DNM3: variants seen among roughly 807,000 people sequenced by gnomAD.
The protein encoded by DNM3 is dynamin 3.
Under a neutral mutation model 101.6 loss-of-function variants are expected in DNM3, and 47 were observed. The observed-to-expected ratio is 0.46, with a 90% CI of 0.37 to 0.59. DNM3 has a LOEUF of 0.59. DNM3 is among the 20% of genes least tolerant of loss of function. The probability of loss-of-function intolerance (pLI) is 0.00; values close to 1 mark genes in which losing one functional copy is unlikely to be tolerated. For missense variants in DNM3, 849 were observed against 1,085.7 expected (o/e 0.78, Z 3.06); for synonymous variants, 385 against 387.9 (o/e 0.99, Z 0.09).
chr1:171,978,319 A>G (rs1407181325), intron 2 of DNM3, among the ~76,000 whole-genome samples: 3 of 152,170 alleles, frequency 2.0e-5, no homozygotes, highest in African/African-American at 7.2e-5. Flanking sequence ...AAACCTCTCT[A>G]AAGAGATGAT....
At chr1:172,406,067 T>G (rs892132871) in intron 20 of DNM3, among the ~76,000 whole-genome samples, 1 of 151,936 alleles carries the variant, frequency 6.6e-6, no homozygotes, top group African/African-American at 2.4e-5. Flanking sequence ...CACAGTTACA[T>G]GAAGATGATT....
At chr1:172,360,186 G>A (rs190236672) in intron 17 of DNM3, among the ~76,000 whole-genome samples, 8 of 151,974 alleles carry the variant, frequency 5.3e-5, no homozygotes, top group Admixed American at 1.3e-4. Context: ...AACTCATTTA[G>A]CTATCTTTAT....
chr1:172,225,877 AC>A (rs1289694868), intron 14 of DNM3, among the ~76,000 whole-genome samples: 1 of 151,700 alleles, frequency 6.6e-6, no homozygotes, highest in Non-Finnish European at 1.5e-5. Flanking sequence ...TATATTATAT[AC>A]ATAAATAGAA....
chr1:171,956,575 A>G (rs1199846993), intron 2 of DNM3, among the ~76,000 whole-genome samples: 1 of 151,922 alleles, frequency 6.6e-6, no homozygotes, highest in Non-Finnish European at 1.5e-5. Context: ...TTCCAGGTGC[A>G]TAGTGCAGGC....
intron 17 of DNM3, among the ~76,000 whole-genome samples, chr1:172,347,345 G>A (rs928420798): frequency 9.2e-5 from 14 of 152,082 alleles, no homozygotes; most frequent in Non-Finnish European, 4.4e-5. Context: ...ACTGAGAATA[G>A]GAGAAACAAC....
intron 1 of DNM3, among the ~76,000 whole-genome samples, chr1:171,892,111 C>T (rs972141149): frequency 3.3e-5 from 5 of 152,024 alleles, no homozygotes; most frequent in Admixed American, 1.3e-4. Flanking sequence ...AAACTGTTCC[C>T]GTGGGAGCTC....
chr1:172,346,798 C>T (rs570226372), intron 17 of DNM3, among the ~76,000 whole-genome samples: 1 of 152,272 alleles, frequency 6.6e-6, no homozygotes, highest in African/African-American at 2.4e-5. Context: ...GAGGATTTCA[C>T]CCAAATTTTT....
chr1:172,254,289 A>G (rs1374352712), intron 15 of DNM3, among the ~76,000 whole-genome samples: 1 of 152,188 alleles, frequency 6.6e-6, no homozygotes, highest in African/African-American at 2.4e-5. Context: ...TATTGTTTAC[A>G]TACTTACAAA....
At chr1:171,896,355 A>G (rs2037797424) in intron 1 of DNM3, among the ~76,000 whole-genome samples, 1 of 152,192 alleles carries the variant, frequency 6.6e-6, no homozygotes, top group Non-Finnish European at 1.5e-5. Context: ...GGTCCTTCAC[A>G]TTCCTTGTAA....
chr1:172,145,658 G>A (rs1168582915), intron 14 of DNM3, among the ~76,000 whole-genome samples: 1 of 151,852 alleles, frequency 6.6e-6, no homozygotes, highest in Admixed American at 6.6e-5. Flanking sequence ...CTAAAGAAAC[G>A]TTACAGTTTT....
chr1:171,930,959 TA>T (rs2040959001), intron 2 of DNM3, among the ~76,000 whole-genome samples: 1 of 152,080 alleles, frequency 6.6e-6, no homozygotes. Context: ...GTATATCGCT[TA>T]GGGGGAGGTG....
intron 16 of DNM3, among the ~76,000 whole-genome samples, chr1:172,315,401 G>A (rs2065287428): frequency 6.6e-6 from 1 of 152,244 alleles, no homozygotes; most frequent in Admixed American, 6.5e-5. Flanking sequence ...TTACTTTGAC[G>A]AGTTGAGAGA....
Position 172,105,133 on chromosome 1 carries a change from C to G in DNM3, c.1545+12258C>G, listed in dbSNP as rs553815221. 8.5e-5 allele frequency among the ~76,000 whole-genome samples: 13 copies of G among 152,224 alleles called. No individual in the cohort carries two copies. The South Asian group carries it at 2.7e-3, about 32-fold the overall frequency. On this transcript the variant is annotated intron_variant, in intron 13 of 20. Coordinates refer to ENST00000627582, the MANE Select transcript of DNM3 (RefSeq NM_015569.5). ...TACAAATATAATCATATGAACAGTCCATACTATCACCATTGATTTGCAATA... is the reference window on the plus strand; with the variant it reads ...TACAAATATAATCATATGAACAGTCGATACTATCACCATTGATTTGCAATA...
chr1:172,283,587 C>T (rs999424379), intron 15 of DNM3, among the ~76,000 whole-genome samples: 9 of 151,586 alleles, frequency 5.9e-5, no homozygotes, highest in Non-Finnish European at 1.3e-4. Context: ...TGCTGAAACG[C>T]CGTCTCTACT....
At chr1:172,221,762 TTCTC>T (rs2060914376) in intron 14 of DNM3, among the ~76,000 whole-genome samples, 2 of 152,158 alleles carry the variant, frequency 1.3e-5, no homozygotes, top group South Asian at 4.1e-4. Flanking sequence ...CTATCTCTCT[TTCTC>T]TCTCCAATTC....
At chr1:172,083,377 A>G (rs1433580062) in intron 12 of DNM3, among the ~76,000 whole-genome samples, 2 of 152,354 alleles carry the variant, frequency 1.3e-5, no homozygotes, top group Non-Finnish European at 2.9e-5. Flanking sequence ...TTAAACTGAC[A>G]CATTCTTCAT....
intron 2 of DNM3, among the ~76,000 whole-genome samples, chr1:171,963,029 C>A (rs1330039297): frequency 1.3e-5 from 2 of 152,090 alleles, no homozygotes; most frequent in African/African-American, 2.4e-5. Context: ...AGCATCCTTA[C>A]CTTGCCATTT....
At chr1:171,914,221 G>A (rs1223342390) in intron 1 of DNM3, among the ~76,000 whole-genome samples, 8 of 151,928 alleles carry the variant, frequency 5.3e-5, no homozygotes, top group African/African-American at 9.7e-5. Flanking sequence ...GCAATGATGC[G>A]ATCGCGGCTC....
At chr1:172,242,653 G>A (rs73046981) in intron 14 of DNM3, among the ~76,000 whole-genome samples, 6,672 of 152,228 alleles carry the variant, frequency 0.044, 444 homozygotes, top group African/African-American at 0.14. Flanking sequence ...ATCTTGCCCA[G>A]GCTGGTCTGA....
Sources: gnomAD v4.1 joint callset for allele counts (sites outside exome capture counted in the v4.1 genomes callset) on GRCh38, gnomAD v4.1.1 for gene constraint, MANE v1.5 for transcripts, NCBI Gene and HGNC (gene_info 2026-07-23, HGNC 2026-07-21) for gene names.